The following DOCK3 variants were observed in gnomAD, a reference collection of about 807,000 sequenced individuals.
The protein encoded by DOCK3 is dedicator of cytokinesis 3, also known as dedicator of cytokinesis protein 3.
DOCK3 carries 60 observed loss-of-function variants against 265.6 expected under a neutral mutation model. That is an observed-to-expected ratio of 0.23 (90% CI 0.18 to 0.28). The LOEUF (loss-of-function observed/expected upper bound fraction) is 0.28, where lower values mean the gene tolerates loss of function less well. Among genes scored for constraint, DOCK3 ranks in the 10% least tolerant of loss-of-function variants. The pLI is 1.00. For synonymous variants in DOCK3, 881 were observed against 938.0 expected (o/e 0.94, Z 1.11); for missense variants, 1,981 against 2,594.3 (o/e 0.76, Z 5.14).
chr3:50,697,018 C>T (rs945166710), intron 1 of DOCK3, among the ~76,000 whole-genome samples: 1 of 151,542 alleles, frequency 6.6e-6, no homozygotes, highest in African/African-American at 2.4e-5. Context: ...GTAACCTCCA[C>T]CTCCTGGGTT....
At chr3:51,222,768 T>C (rs1000485577) in intron 14 of DOCK3, among the ~76,000 whole-genome samples, 2 of 152,130 alleles carry the variant, frequency 1.3e-5, no homozygotes, top group Non-Finnish European at 2.9e-5. Context: ...CCAAAGGCAT[T>C]CTGTTTTTTA....
At chr3:51,160,805 A>G (rs942153334) in intron 12 of DOCK3, 103 bp downstream of exon 12, 45 of 1,386,104 alleles carry the variant, frequency 3.2e-5, no homozygotes, top group Non-Finnish European at 3.9e-5. Context: ...CAGGCCACGC[A>G]GTGGCTCACG....
intron 3 of DOCK3, among the ~76,000 whole-genome samples, chr3:50,857,814 T>C (rs1376516701): frequency 6.6e-6 from 1 of 152,220 alleles, no homozygotes; most frequent in East Asian, 1.9e-4. Context: ...ATAGGAATGC[T>C]TTTACACTGT....
chr3:50,894,437 C>T (rs2048796708), intron 4 of DOCK3, among the ~76,000 whole-genome samples: 1 of 151,972 alleles, frequency 6.6e-6, no homozygotes, highest in Non-Finnish European at 1.5e-5. Flanking sequence ...GAGTTCATCA[C>T]CAGTAGATTT....
chr3:50,825,958 G>T (rs60088142), intron 2 of DOCK3, among the ~76,000 whole-genome samples: 13,392 of 149,072 alleles, frequency 0.09, 1,196 homozygotes, highest in East Asian at 0.33. Flanking sequence ...GGTTCTTCAT[G>T]TTTTTTTTTT....
intron 1 of DOCK3, among the ~76,000 whole-genome samples, chr3:50,765,660 A>G (rs1385314847): frequency 6.6e-6 from 1 of 152,104 alleles, no homozygotes; most frequent in African/African-American, 2.4e-5. Context: ...ATGCATGTTT[A>G]TAGGGTACAG....
chr3:50,982,580 T>C (rs1201019565), intron 5 of DOCK3, among the ~76,000 whole-genome samples: 2 of 152,158 alleles, frequency 1.3e-5, no homozygotes, highest in Admixed American at 1.3e-4. Context: ...ACCCTGGCCC[T>C]GTGTTGCTGC....
intron 5 of DOCK3, among the ~76,000 whole-genome samples, chr3:50,995,424 CTT>C (rs1299216543): frequency 6.6e-6 from 1 of 152,196 alleles, no homozygotes; most frequent in Non-Finnish European, 1.5e-5. Flanking sequence ...GCAAAAAAGA[CTT>C]TGTGAACAGC....
At chr3:51,242,305 C>T (rs889119842) in intron 21 of DOCK3, among the ~76,000 whole-genome samples, 8 of 152,090 alleles carry the variant, frequency 5.3e-5, no homozygotes, top group Non-Finnish European at 1.0e-4. Flanking sequence ...CTGGGTAGGC[C>T]GAGATGCTCC....
chr3:50,867,270 C>T (rs2047187646), intron 3 of DOCK3, among the ~76,000 whole-genome samples: 3 of 151,952 alleles, frequency 2.0e-5, no homozygotes, highest in Admixed American at 2.0e-4. Context: ...TTTGTATGTT[C>T]ATTTTGTTGT....
intron 13 of DOCK3, among the ~76,000 whole-genome samples, chr3:51,211,069 A>G (rs2089471520): frequency 6.6e-6 from 1 of 152,346 alleles, no homozygotes; most frequent in South Asian, 2.1e-4. Context: ...TGTTTATTTT[A>G]AAATGACTGT....
chr3:50,994,472 T>C (rs2108641540), intron 5 of DOCK3, among the ~76,000 whole-genome samples: 1 of 152,328 alleles, frequency 6.6e-6, no homozygotes, highest in South Asian at 2.1e-4. Context: ...ACTGGTGTGA[T>C]GTCAAAGTTG....
intron 27 of DOCK3, among the ~76,000 whole-genome samples, chr3:51,308,836 T>C (rs1576744994): frequency 6.9e-6 from 1 of 145,410 alleles, no homozygotes; most frequent in African/African-American, 2.6e-5. Flanking sequence ...ACGGGGCGGC[T>C]GCCGGGCGGA....
chr3:51,200,093 G>C (rs923487923), intron 12 of DOCK3, among the ~76,000 whole-genome samples: 1 of 152,044 alleles, frequency 6.6e-6, no homozygotes, highest in Admixed American at 6.5e-5. Flanking sequence ...AAAAAACAGA[G>C]CAGAAAAACT....
At chr3:51,029,176 T>G (rs965785383) in intron 5 of DOCK3, among the ~76,000 whole-genome samples, 4 of 152,160 alleles carry the variant, frequency 2.6e-5, no homozygotes, top group African/African-American at 9.7e-5. Context: ...GGGCCAAGGT[T>G]TTGTATGGGT....
chr3:50,990,825 C>T (rs1373062320), intron 5 of DOCK3, among the ~76,000 whole-genome samples: 1 of 152,102 alleles, frequency 6.6e-6, no homozygotes, highest in Non-Finnish European at 1.5e-5. Context: ...TTTATTTTGG[C>T]CGTGCTGGCA....
chr3:51,319,517 C>G (rs1042726075), intron 32 of DOCK3, among the ~76,000 whole-genome samples: 15 of 151,928 alleles, frequency 9.9e-5, no homozygotes, highest in South Asian at 2.1e-4. Context: ...ACTGACCAGC[C>G]TAAAAATACT....
intron 1 of DOCK3, among the ~76,000 whole-genome samples, chr3:50,690,625 G>GTTCGTTCA (rs2035165890): frequency 2.0e-5 from 3 of 151,484 alleles, no homozygotes; most frequent in African/African-American, 4.9e-5. Context: ...TCGTTCGTTC[G>GTTCGTTCA]TTCATTCATT....
intron 2 of DOCK3, chr3:50,787,297 AG>A (rs1277504276): frequency 1.1e-5 from 5 of 438,620 alleles, no homozygotes; most frequent in Non-Finnish European, 2.1e-5. Flanking sequence ...GCACTTTGGG[AG>A]GCTGAGGCGG....
Sources: gnomAD v4.1 joint callset for allele counts (sites outside exome capture counted in the v4.1 genomes callset) on GRCh38, gnomAD v4.1.1 for gene constraint, MANE v1.5 for transcripts, NCBI Gene and HGNC (gene_info 2026-07-23, HGNC 2026-07-21) for gene names.